The following SMCHD1 variants were observed in gnomAD, a reference collection of about 807,000 sequenced individuals.
SMCHD1 encodes the protein structural maintenance of chromosomes flexible hinge domain-containing protein 1.
SMCHD1 carries 78 observed loss-of-function variants against 254.7 expected under a neutral mutation model. That is an observed-to-expected ratio of 0.31 (90% CI 0.26 to 0.37). SMCHD1 has a LOEUF of 0.37. Ranked by LOEUF, SMCHD1 falls within the 10% of genes least tolerant of loss-of-function variation. The pLI is 1.00. For synonymous variants in SMCHD1, 766 were observed against 794.9 expected (o/e 0.96, Z 0.61); for missense variants, 1,840 against 2,408.1 (o/e 0.76, Z 4.94).
chr18:2,671,894 G>A (rs1030795832), intron 3 of SMCHD1, among the ~76,000 whole-genome samples: 6 of 152,048 alleles, frequency 3.9e-5, no homozygotes, highest in Middle Eastern at 6.8e-3. Context: ...CACCGCGCCT[G>A]GCCTTGATCT....
chr18:2,798,804 G>A (rs1485815184), intron 47 of SMCHD1, among the ~76,000 whole-genome samples: 2 of 152,148 alleles, frequency 1.3e-5, no homozygotes, highest in African/African-American at 4.8e-5. Flanking sequence ...TATGAACAGT[G>A]GGATTATTTT....
At chr18:2,676,898 C>G (rs2073763062) in intron 5 of SMCHD1, among the ~76,000 whole-genome samples, 1 of 152,160 alleles carries the variant, frequency 6.6e-6, no homozygotes, top group Non-Finnish European at 1.5e-5. Context: ...TAAATAACTA[C>G]AAAATCATTA....
intron 35 of SMCHD1, 38 bp from the exon 36 acceptor site, chr18:2,762,067 A>G: frequency 1.3e-6 from 2 of 1,589,578 alleles, no homozygotes; most frequent in South Asian, 1.1e-5. Context: ...TAAAGCATCA[A>G]TATATTGTTA....
chr18:2,690,811 G>A (rs2074159107), intron 7 of SMCHD1, among the ~76,000 whole-genome samples: 2 of 151,676 alleles, frequency 1.3e-5, no homozygotes, highest in Admixed American at 1.3e-4. Context: ...AATGTTCATG[G>A]CATGTATTTC....
intron 1 of SMCHD1, 143 bp downstream of exon 1, chr18:2,656,404 C>A: frequency 3.7e-6 from 3 of 804,672 alleles, no homozygotes; most frequent in South Asian, 3.6e-5. Context: ...CGTGTGCCCG[C>A]CATGTCCGTG....
At chr18:2,748,449 A>G (rs1230463874) in intron 30 of SMCHD1, among the ~76,000 whole-genome samples, 1 of 133,962 alleles carries the variant, frequency 7.5e-6, no homozygotes, top group Non-Finnish European at 1.5e-5. Flanking sequence ...GCTGGAGTGC[A>G]GTGGCGTGAT....
At chr18:2,743,541 C>T (rs937048693) in intron 28 of SMCHD1, among the ~76,000 whole-genome samples, 2 of 152,100 alleles carry the variant, frequency 1.3e-5, no homozygotes, top group Non-Finnish European at 2.9e-5. Flanking sequence ...ATTGCCAGAA[C>T]CTTTTAGATC....
rs969211934 is a variant in SMCHD1 at position 2,804,273 on chromosome 18, C to A, written c.*1721C>A. On this transcript the variant is annotated 3_prime_UTR_variant, in exon 48 of 48. Transcript: ENST00000320876. The stretch of plus-strand genomic sequence containing the variant: ...AGCAAAAAAGTTGGTTTTAAAAATT[C>A]TTTTTATTAGAAGTGTGTTTAAAAA... 6.6e-6 allele frequency: 1 copy of A among 152,042 alleles called. No individual in the cohort carries two copies. The allele number at this position is 152,042 out of a possible 1,614,324, so 9.4% of individuals were successfully genotyped here. A position where few individuals can be genotyped will look rare whatever the true frequency, so the allele number is the denominator to read the frequency against.
chr18:2,751,459 C>T (rs2075569810), intron 33 of SMCHD1, 66 bp downstream of exon 33: 2 of 843,582 alleles, frequency 2.4e-6, no homozygotes, highest in Non-Finnish European at 3.7e-6. Flanking sequence ...AACTAAGTCT[C>T]CTTTAATGTA....
intron 2 of SMCHD1, among the ~76,000 whole-genome samples, chr18:2,666,434 T>G (rs2073440953): frequency 6.6e-6 from 1 of 152,256 alleles, no homozygotes. Flanking sequence ...AAATAGTTGA[T>G]ATCAGTTATG....
At chr18:2,706,263 G>A in intron 14 of SMCHD1, 101 bp from the exon 15 acceptor site, 2 of 737,990 alleles carry the variant, frequency 2.7e-6, no homozygotes, top group Non-Finnish European at 4.3e-6. Context: ...ACTTAATTAG[G>A]ATAAAATATA....
At chr18:2,660,332 C>A (rs1024009688) in intron 1 of SMCHD1, among the ~76,000 whole-genome samples, 6 of 151,640 alleles carry the variant, frequency 4.0e-5, no homozygotes, top group Non-Finnish European at 8.8e-5. Flanking sequence ...TCTCAAAAAA[C>A]AAACAAACAA....
chr18:2,684,732 T>TGTGTGTGTGTGA (rs534087695), intron 5 of SMCHD1, among the ~76,000 whole-genome samples: 10 of 151,010 alleles, frequency 6.6e-5, no homozygotes, highest in African/African-American at 2.2e-4. Context: ...TGTGTGTGTG[T>TGTGTGTGTGTGA]GATTCCATTT....
intron 9 of SMCHD1, 163 bp downstream of exon 9, chr18:2,697,285 C>T (rs1385397636): frequency 4.4e-6 from 2 of 453,612 alleles, no homozygotes; most frequent in Admixed American, 8.1e-5. Flanking sequence ...AGAGATTATT[C>T]CTAGATGTAT....
At position 2,656,266 on chromosome 18, in the gene SMCHD1, G is replaced by A. The variant is rs2073053310; in HGVS notation, c.186+5G>A. ...TTTCGCGCGTGTGTGTGTCAGGTAC[G>A]CGAAGGGGCGAGGAAGGGATGCGCG... On this transcript the variant is annotated splice_donor_5th_base_variant and intron_variant, in intron 1 of 47. Transcript: ENST00000320876. 1.3e-6 allele frequency: 2 copies of A among 1,484,644 alleles called. No homozygotes were observed. The highest frequency in any genetic ancestry group is 5.4e-5 in the East Asian group (2 of 36,866). The allele number at this position is 1,484,644 out of a possible 1,614,324, so 92.0% of individuals were successfully genotyped here.
chr18:2,688,867 C>A, intron 7 of SMCHD1, 120 bp downstream of exon 7: 1 of 585,570 alleles, frequency 1.7e-6, no homozygotes, highest in Non-Finnish European at 2.7e-6. Flanking sequence ...GTCATAATAA[C>A]AAAAATGGGC....
rs769948620 is a variant in SMCHD1, at chr18:2,718,115, T to C, written c.2261-43T>C. On this transcript the variant is annotated intron_variant, in intron 17 of 47. Coordinates refer to ENST00000320876, the MANE Select transcript of SMCHD1 (RefSeq NM_015295.3). This position sits in a 1 kb window ranked among gnomAD's most constrained non-coding sequence, Gnocchi z 4.6. ...ACATTGCGTATTTCATGTTTTACGT[T>C]GAATTTCTCAAGACACTATTGTTTC... 3 of 1,480,410 alleles carry C rather than the reference T, an allele frequency of 2.0e-6. No individual in the cohort carries two copies. 91.7% of individuals were successfully genotyped at this position (1,480,410 alleles called of 1,614,324 possible). A position where few individuals can be genotyped will look rare whatever the true frequency, so the allele number is the denominator to read the frequency against.
Position 2,726,497 on chromosome 18 carries a change from C to G in SMCHD1, c.2746C>G (p.Gln916Glu). 6.7e-7 allele frequency: 1 copy of G among 1,488,124 alleles called. No individual in the cohort carries two copies. The highest frequency in any genetic ancestry group is 1.3e-5 in the South Asian group (1 of 75,248). 92.2% of individuals were successfully genotyped at this position (1,488,124 alleles called of 1,614,324 possible). ...TCTGCCTGGCTTAAAAGAAGACTCA[C>G]AGATTTTGAAAATTAGATTACTACC... ...VTLPGLKEDSQILKIRLLPGH... is the reference protein window; with the variant it reads ...VTLPGLKEDSEILKIRLLPGH... The change falls in exon 22 of 48, where the codon CAG becomes GAG. Residue 916 changes from glutamine (Q) to glutamate (E), a missense_variant. Gln to Glu is a conservative substitution (Grantham distance 29, BLOSUM62 2). Around this residue, in one of 9 missense-constraint regions of SMCHD1, gnomAD observed 881 missense variants for 1,009.5 expected, o/e 0.87. Transcript: ENST00000320876.
At chr18:2,740,161 CT>C (rs1430025292) in intron 27 of SMCHD1, among the ~76,000 whole-genome samples, 4 of 152,076 alleles carry the variant, frequency 2.6e-5, no homozygotes, top group African/African-American at 7.2e-5. Context: ...TCAACTCGCA[CT>C]TAAGAGTGAG....
Sources: gnomAD v4.1 joint callset for allele counts (sites outside exome capture counted in the v4.1 genomes callset) on GRCh38, gnomAD v4.1.1 for gene constraint, gnomAD v4.1.1 regional missense constraint, Gnocchi (gnomAD v3.1) non-coding constraint, MANE v1.5 for transcripts, NCBI Gene and HGNC (gene_info 2026-07-23, HGNC 2026-07-21) for gene names.